Variants in MACROD2 observed in about 807,000 individuals in gnomAD.
The protein encoded by MACROD2 is ADP-ribose glycohydrolase MACROD2.
In MACROD2, 36 loss-of-function variants were observed where a neutral mutation model predicts 70.4. The observed-to-expected ratio is 0.51, with a 90% CI of 0.39 to 0.68. The LOEUF is 0.68. Among genes scored for constraint, MACROD2 ranks in the 30% least tolerant of loss-of-function variants. The pLI, the probability that MACROD2 is intolerant of heterozygous loss-of-function variation, is 0.00. For missense variants in MACROD2, 496 were observed against 538.4 expected (o/e 0.92, Z 0.78); for synonymous variants, 172 against 178.8 (o/e 0.96, Z 0.30).
At chr20:15,719,669 T>C (rs1283981813) in intron 8 of MACROD2, among the ~76,000 whole-genome samples, 1 of 152,206 alleles carries the variant, frequency 6.6e-6, no homozygotes, top group African/African-American at 2.4e-5. Flanking sequence ...TATTTTTTAT[T>C]GACACATAAT....
At chr20:14,439,373 A>G (rs554683951) in intron 3 of MACROD2, among the ~76,000 whole-genome samples, 51 of 152,266 alleles carry the variant, frequency 3.3e-4, no homozygotes, top group Non-Finnish European at 6.5e-4. Context: ...TTGGCTATTC[A>G]TAGTATTTTG....
intron 5 of MACROD2, among the ~76,000 whole-genome samples, chr20:15,018,967 T>A (rs2075143007): frequency 2.6e-5 from 4 of 152,200 alleles, no homozygotes; most frequent in Admixed American, 6.5e-5. Context: ...GATGCTGGTG[T>A]CATGCTTGTA....
intron 4 of MACROD2, among the ~76,000 whole-genome samples, chr20:14,495,864 G>T (rs2084847667): frequency 1.3e-5 from 2 of 152,084 alleles, no homozygotes; most frequent in Admixed American, 6.6e-5. Flanking sequence ...AATAAAATTA[G>T]CAACTCAGCA....
chr20:15,926,162 G>A (rs994916589), intron 10 of MACROD2, among the ~76,000 whole-genome samples: 11 of 152,154 alleles, frequency 7.2e-5, no homozygotes, highest in African/African-American at 2.7e-4. Context: ...GGCAATGGGT[G>A]TATTATCACA....
At chr20:15,683,574 G>A (rs60238933) in intron 8 of MACROD2, among the ~76,000 whole-genome samples, 11,742 of 151,978 alleles carry the variant, frequency 0.077, 754 homozygotes, top group African/African-American at 0.18. Context: ...CCCTCAGGTT[G>A]TTTTTTTGTT....
chr20:14,605,586 CCTAA>C (rs1373547824), intron 4 of MACROD2, among the ~76,000 whole-genome samples: 3 of 151,980 alleles, frequency 2.0e-5, no homozygotes, highest in Admixed American at 6.6e-5. Flanking sequence ...GTTTTCTAAC[CCTAA>C]CTGTCACAAG....
chr20:14,080,534 G>A (rs1341965038), intron 2 of MACROD2, among the ~76,000 whole-genome samples: 1 of 149,390 alleles, frequency 6.7e-6, no homozygotes, highest in Admixed American at 6.7e-5. Flanking sequence ...GGTCATTTTT[G>A]CTGCAATTAT....
chr20:15,315,367 C>T (rs184842116), intron 6 of MACROD2, among the ~76,000 whole-genome samples: 3 of 152,138 alleles, frequency 2.0e-5, no homozygotes, highest in East Asian at 1.9e-4. Flanking sequence ...CGAGAAGGAT[C>T]GACACAAAGA....
At chr20:15,112,982 T>TGTG (rs1241048378) in intron 5 of MACROD2, among the ~76,000 whole-genome samples, 4 of 95,980 alleles carry the variant, frequency 4.2e-5, no homozygotes, top group African/African-American at 6.3e-5. Context: ...GTGTGTGTGT[T>TGTG]TGTGTGTGTA....
At chr20:15,269,678 T>A (rs75800278) in intron 6 of MACROD2, among the ~76,000 whole-genome samples, 2 of 152,156 alleles carry the variant, frequency 1.3e-5, no homozygotes, top group African/African-American at 2.4e-5. Flanking sequence ...GTCATTATAA[T>A]TACTGAGGAC....
At chr20:14,306,130 A>G (rs1281368517) in intron 3 of MACROD2, among the ~76,000 whole-genome samples, 1 of 151,756 alleles carries the variant, frequency 6.6e-6, no homozygotes, top group Non-Finnish European at 1.5e-5. Flanking sequence ...ATAATGATCT[A>G]TTTTTTTCCA....
chr20:15,908,361 G>A lies in MACROD2; in HGVS notation c.775+22550G>A, dbSNP rs77601534. Among the ~76,000 whole-genome samples, 1,161 of 152,320 alleles carry A rather than the reference G, an allele frequency of 7.6e-3. 15 individuals are homozygous for A. Among genetic ancestry groups the A allele is most frequent in the African/African-American group, 0.027 (1,109 of 41,574 alleles). ...CTCCAGCTATTGCTTGGTTTCAGGTGACCACTCCCTTTCTCTTCTCAGGCC... is the reference window on the plus strand; with the variant it reads ...CTCCAGCTATTGCTTGGTTTCAGGTAACCACTCCCTTTCTCTTCTCAGGCC... On this transcript the variant is annotated intron_variant, in intron 10 of 17. Transcript: ENST00000684519.
chr20:15,421,634 G>A (rs148100247), intron 6 of MACROD2, among the ~76,000 whole-genome samples: 188 of 152,316 alleles, frequency 1.2e-3, no homozygotes, highest in African/African-American at 4.2e-3. Context: ...AATTTGTATA[G>A]AAGAAAAATA....
intron 8 of MACROD2, among the ~76,000 whole-genome samples, chr20:15,717,967 G>C (rs1022293208): frequency 6.6e-6 from 1 of 151,842 alleles, no homozygotes; most frequent in African/African-American, 2.4e-5. Context: ...TTGTGGTCCT[G>C]AAATGTCCTC....
chr20:14,332,886 C>G (rs959247667), intron 3 of MACROD2, among the ~76,000 whole-genome samples: 1 of 151,990 alleles, frequency 6.6e-6, no homozygotes, highest in Non-Finnish European at 1.5e-5. Flanking sequence ...AAAGCTCAAC[C>G]TGTGAATGCT....
At chr20:15,642,005 A>C (rs970536107) in intron 8 of MACROD2, among the ~76,000 whole-genome samples, 60 of 152,212 alleles carry the variant, frequency 3.9e-4, no homozygotes, top group Non-Finnish European at 2.9e-5. Flanking sequence ...TTTGCTGCAA[A>C]CAGTGCCTTT....
At chr20:15,471,475 C>CTCAG (rs1343097733) in intron 7 of MACROD2, among the ~76,000 whole-genome samples, 1 of 152,154 alleles carries the variant, frequency 6.6e-6, no homozygotes, top group African/African-American at 2.4e-5. Context: ...CATATGATAA[C>CTCAG]TCTGGGACTG....
At chr20:14,938,151 C>T (rs184856545) in intron 5 of MACROD2, among the ~76,000 whole-genome samples, 13 of 151,892 alleles carry the variant, frequency 8.6e-5, no homozygotes, top group African/African-American at 2.2e-4. Context: ...CTGCAATGAA[C>T]GTGGGAGTGC....
At chr20:14,020,660 TATTG>T (rs904623860) in intron 2 of MACROD2, among the ~76,000 whole-genome samples, 3 of 152,188 alleles carry the variant, frequency 2.0e-5, no homozygotes, top group Non-Finnish European at 4.4e-5. Flanking sequence ...TCGTTTTATT[TATTG>T]ATTGATTGAG....
Sources: gnomAD v4.1 joint callset for allele counts (sites outside exome capture counted in the v4.1 genomes callset) on GRCh38, gnomAD v4.1.1 for gene constraint, MANE v1.5 for transcripts, NCBI Gene and HGNC (gene_info 2026-07-23, HGNC 2026-07-21) for gene names.